The following NARS2 variants were observed in gnomAD, a reference collection of about 807,000 sequenced individuals.
NARS2 encodes asparaginyl-tRNA synthetase.
In NARS2, 60 loss-of-function variants were observed where a neutral mutation model predicts 62.9. The observed-to-expected ratio is 0.95, with a 90% CI of 0.77 to 1.18. NARS2 has a LOEUF of 1.18. Among genes scored for constraint, NARS2 ranks in the 50% most tolerant of loss-of-function variants. The pLI, the probability that NARS2 is intolerant of heterozygous loss-of-function variation, is 0.00. For missense variants in NARS2, 619 were observed against 576.4 expected (o/e 1.07, Z -0.76); for synonymous variants, 196 against 200.0 (o/e 0.98, Z 0.17).
intron 12 of NARS2, among the ~76,000 whole-genome samples, chr11:78,441,815 A>G (rs1857585025): frequency 6.6e-6 from 1 of 152,188 alleles, no homozygotes; most frequent in Non-Finnish European, 1.5e-5. Flanking sequence ...CTTCAACATT[A>G]AAACAATAAT....
intron 7 of NARS2, among the ~76,000 whole-genome samples, chr11:78,482,276 T>C (rs1040836333): frequency 2.0e-5 from 3 of 152,140 alleles, no homozygotes; most frequent in African/African-American, 7.2e-5. Context: ...TAGCACTAAA[T>C]GCCCACATCA....
Position 78,563,857 on chromosome 11 carries a change from T to C in NARS2, c.513+2275A>G, listed in dbSNP as rs1245124648. 4.2e-3 allele frequency among the ~76,000 whole-genome samples: 118 copies of C among 27,994 alleles called. 9 individuals carry two copies. The highest frequency in any genetic ancestry group is 9.5e-3 in the Non-Finnish European group (97 of 10,214). The allele number at this position is 27,994 out of a possible 152,430, so 18.4% of individuals were successfully genotyped here. Reference sequence around the variant, plus strand: ...AAAAAAAAAAAAAAAAAAAAATATATATATATATATATGTATACACACACA... The same window carrying C: ...AAAAAAAAAAAAAAAAAAAAATATACATATATATATATGTATACACACACA... On this transcript the variant is annotated intron_variant, in intron 4 of 13. Transcript: ENST00000281038.
intron 11 of NARS2, among the ~76,000 whole-genome samples, chr11:78,452,359 G>A (rs908859623): frequency 6.6e-6 from 1 of 151,482 alleles, no homozygotes; most frequent in Admixed American, 6.6e-5. Context: ...CACCTGCCTC[G>A]GCTTCCTAAA....
At chr11:78,462,594 G>A (rs558535982) in intron 11 of NARS2, among the ~76,000 whole-genome samples, 1 of 152,310 alleles carries the variant, frequency 6.6e-6, no homozygotes, top group Admixed American at 6.5e-5. Flanking sequence ...AAGCTAAAGA[G>A]AATCAGGAGT....
At position 78,542,665 on chromosome 11, in the gene NARS2, G is replaced by A. The variant is rs553902489; in HGVS notation, c.595-13729C>T. Among the ~76,000 whole-genome samples the A allele has an allele frequency of 2.6e-5, 4 of 152,272 alleles. No homozygotes were observed. In the East Asian group the frequency reaches 5.8e-4, roughly 22 times the overall value. ...TACTTATAAATCCCAGCACTTCGGT[G>A]GGGTGGAGGCAGGAGGATTGCTTGA... On this transcript the variant is annotated intron_variant, in intron 5 of 13. Coordinates refer to ENST00000281038, the MANE Select transcript of NARS2 (RefSeq NM_024678.6).
chr11:78,545,427 C>CA (rs1855827020), intron 5 of NARS2, among the ~76,000 whole-genome samples: 1 of 152,108 alleles, frequency 6.6e-6, no homozygotes, highest in South Asian at 2.1e-4. Context: ...GAGGCTGCTC[C>CA]AGCCACAGAA....
intron 3 of NARS2, among the ~76,000 whole-genome samples, chr11:78,566,497 A>G (rs1856750638): frequency 6.6e-6 from 1 of 152,246 alleles, no homozygotes; most frequent in African/African-American, 2.4e-5. Context: ...ACTACTTATT[A>G]GCCAAGTAAC....
At position 78,561,949 on chromosome 11, in the gene NARS2, TACTC is replaced by T. The variant is rs1223265073; in HGVS notation, c.514-2334_514-2331del. Reference sequence around the variant, plus strand: ...GGTAGTGCACACCTGTAGTCCCAGATACTCAGGAGGCTGAGGCAGAGGTTGCAGT... The same window carrying T: ...GGTAGTGCACACCTGTAGTCCCAGATAGGAGGCTGAGGCAGAGGTTGCAGT... On this transcript the variant is annotated intron_variant, in intron 4 of 13. Coordinates refer to ENST00000281038, the MANE Select transcript of NARS2 (RefSeq NM_024678.6). 3.9e-5 allele frequency among the ~76,000 whole-genome samples: 6 copies of T among 152,048 alleles called. No individual in the cohort carries two copies. In the East Asian group the frequency reaches 1.2e-3, roughly 29 times the overall value.
chr11:78,438,994 G>C (rs78577211), intron 13 of NARS2, among the ~76,000 whole-genome samples: 1 of 144,694 alleles, frequency 6.9e-6, no homozygotes, highest in Non-Finnish European at 1.5e-5. Context: ...TTTTTTTTTT[G>C]AGATGGAGTC....
chr11:78,488,370 A>G (rs1459475025), intron 7 of NARS2, among the ~76,000 whole-genome samples: 2 of 152,100 alleles, frequency 1.3e-5, no homozygotes, highest in Non-Finnish European at 2.9e-5. Context: ...GGGTGTTGAG[A>G]GTTAGAAAGA....
chr11:78,538,598 G>A (rs1855468188), intron 5 of NARS2, among the ~76,000 whole-genome samples: 1 of 152,134 alleles, frequency 6.6e-6, no homozygotes, highest in African/African-American at 2.4e-5. Context: ...CAGGCACAAG[G>A]AACAGCCAGT....
At chr11:78,481,288 G>A (rs1017583228) in intron 7 of NARS2, among the ~76,000 whole-genome samples, 1 of 152,140 alleles carries the variant, frequency 6.6e-6, no homozygotes, top group East Asian at 1.9e-4. Flanking sequence ...TTGATGAAAG[G>A]AGAACAACAG....
At chr11:78,552,535 C>T (rs888551254) in intron 5 of NARS2, among the ~76,000 whole-genome samples, 45 of 152,144 alleles carry the variant, frequency 3.0e-4, no homozygotes, top group African/African-American at 2.7e-4. Context: ...AAAGTCAAGC[C>T]GGGAACTGCT....
intron 5 of NARS2, among the ~76,000 whole-genome samples, chr11:78,530,940 C>T (rs1437274412): frequency 6.6e-6 from 1 of 152,036 alleles, no homozygotes; most frequent in Admixed American, 6.6e-5. Context: ...AATTACTTTT[C>T]TTTTATATTA....
At chr11:78,463,949 G>A (rs1332727562) in intron 11 of NARS2, among the ~76,000 whole-genome samples, 1 of 152,132 alleles carries the variant, frequency 6.6e-6, no homozygotes, top group East Asian at 1.9e-4. Flanking sequence ...GCCTGATTGT[G>A]CAGTGTCCGG....
chr11:78,538,071 T>C (rs572398452), intron 5 of NARS2, among the ~76,000 whole-genome samples: 130 of 152,312 alleles, frequency 8.5e-4, no homozygotes, highest in Non-Finnish European at 1.5e-3. Context: ...GCCCTGGACA[T>C]GAATCATTCC....
rs1225470760 is a variant in NARS2, at chr11:78,568,735, C to A, written c.269G>T (p.Ser90Ile). The A allele has an allele frequency of 1.2e-6, 2 of 1,608,500 alleles. No individual in the cohort carries two copies. The highest frequency in any genetic ancestry group is 2.7e-5 in the African/African-American group (2 of 74,750). ...CAGCTGCCCTTGTACTTCCACAGAA[C>A]TCCCAAAATTTAATTCTCTATAGTA... ...GLDSRELNFGSSVEVQGQLIK... is the reference protein window; with the variant it reads ...GLDSRELNFGISVEVQGQLIK... The change falls in exon 3 of 14, where the codon AGT becomes ATT. Residue 90 changes from serine to isoleucine, a missense_variant. Physicochemically the swap from Ser to Ile is moderately radical, Grantham distance 142. Coordinates refer to ENST00000281038, the MANE Select transcript of NARS2 (RefSeq NM_024678.6).
chr11:78,518,973 T>C (rs1861015102), intron 6 of NARS2, among the ~76,000 whole-genome samples: 1 of 152,188 alleles, frequency 6.6e-6, no homozygotes, highest in South Asian at 2.1e-4. Context: ...CGCAATCTAA[T>C]GCTATAGAGA....
intron 6 of NARS2, among the ~76,000 whole-genome samples, chr11:78,505,565 T>C (rs1211656524): frequency 6.6e-6 from 1 of 152,116 alleles, no homozygotes; most frequent in Non-Finnish European, 1.5e-5. Flanking sequence ...AAGGAATGGA[T>C]ACAGAAGCTT....
Sources: gnomAD v4.1 joint callset for allele counts (sites outside exome capture counted in the v4.1 genomes callset) on GRCh38, gnomAD v4.1.1 for gene constraint, MANE v1.5 for transcripts, NCBI Gene and HGNC (gene_info 2026-07-23, HGNC 2026-07-21) for gene names.